SBF2: variants seen among roughly 807,000 people sequenced by gnomAD.
SBF2 encodes the protein SET binding factor 2, also known as myotubularin-related protein 13.
SBF2 carries 112 observed loss-of-function variants against 225.2 expected under a neutral mutation model. The observed-to-expected ratio is 0.50, with a 90% confidence interval of 0.43 to 0.58. The LOEUF (loss-of-function observed/expected upper bound fraction) is 0.58. Ranked by LOEUF, SBF2 falls within the 20% of genes least tolerant of loss-of-function variation. The pLI is 0.00. For missense variants in SBF2, 1,996 were observed against 2,206.2 expected, an observed-to-expected ratio of 0.90 and a Z score of 1.91; for synonymous variants, 763 against 773.3, an observed-to-expected ratio of 0.99 and a Z score of 0.22.
chr11:10,235,123 T>C (rs1249022448), intron 1 of SBF2, among the ~76,000 whole-genome samples: 1 of 152,260 alleles, frequency 6.6e-6, no homozygotes, highest in Non-Finnish European at 1.5e-5. Context: ...ATCAAGTTCA[T>C]AGCTCATTGC....
At chr11:10,053,335 A>C (rs968245610) in intron 2 of SBF2, among the ~76,000 whole-genome samples, 2 of 152,180 alleles carry the variant, frequency 1.3e-5, no homozygotes, top group African/African-American at 4.8e-5. Context: ...GCACAAGTTG[A>C]GCACAAAAAT....
At chr11:9,843,704 A>G (rs1856333585) in intron 24 of SBF2, 1 of 150,858 alleles carries the variant, frequency 6.6e-6, no homozygotes, top group Non-Finnish European at 1.5e-5. Flanking sequence ...GTAAACCTGA[A>G]GGTTATGAAA....
chr11:9,852,629 T>G (rs756717561), intron 21 of SBF2, 47 bp downstream of exon 21: 1 of 1,408,708 alleles, frequency 7.1e-7, no homozygotes, highest in Admixed American at 1.7e-5. Flanking sequence ...TATTGTTTGT[T>G]TTTAAGAAGA....
intron 1 of SBF2, among the ~76,000 whole-genome samples, chr11:10,194,560 G>A (rs1162085039): frequency 6.6e-6 from 1 of 152,104 alleles, no homozygotes; most frequent in Non-Finnish European, 1.5e-5. Context: ...GTCTAGGCTG[G>A]AGTGCAGTTG....
intron 38 of SBF2, among the ~76,000 whole-genome samples, chr11:9,782,542 T>C (rs926729868): frequency 4.6e-5 from 7 of 152,248 alleles, no homozygotes; most frequent in Admixed American, 3.3e-4. Flanking sequence ...AATTTGGCAA[T>C]ATCAACTAAA....
At chr11:9,983,292 C>T (rs970165785) in intron 13 of SBF2, among the ~76,000 whole-genome samples, 3 of 152,100 alleles carry the variant, frequency 2.0e-5, no homozygotes, top group Admixed American at 6.5e-5. Context: ...CTGGGTGAGG[C>T]CTGTGACTGC....
chr11:9,993,655 C>G (rs548864559), intron 10 of SBF2, among the ~76,000 whole-genome samples: 41 of 152,284 alleles, frequency 2.7e-4, no homozygotes, highest in African/African-American at 9.6e-4. Context: ...ATAATCTAGG[C>G]TCTGATTTTC....
chr11:9,872,271 G>A (rs1175709451), intron 17 of SBF2, among the ~76,000 whole-genome samples: 2 of 152,120 alleles, frequency 1.3e-5, no homozygotes, highest in African/African-American at 4.8e-5. Context: ...TGAAAGATGA[G>A]AACACATGGA....
chr11:9,805,512 C>A (rs1174613903), intron 32 of SBF2, among the ~76,000 whole-genome samples: 1 of 152,104 alleles, frequency 6.6e-6, no homozygotes, highest in African/African-American at 2.4e-5. Flanking sequence ...AAATGTGGAG[C>A]CACTGAAGGT....
intron 1 of SBF2, among the ~76,000 whole-genome samples, chr11:10,197,428 G>A (rs1957418031): frequency 1.3e-5 from 2 of 152,224 alleles, no homozygotes. Context: ...GTGTGCAACA[G>A]CGTTACGCCT....
chr11:9,980,189 C>T (rs1214301865), intron 13 of SBF2, among the ~76,000 whole-genome samples: 2 of 151,016 alleles, frequency 1.3e-5, no homozygotes, highest in African/African-American at 4.9e-5. Context: ...CCATGTTGGC[C>T]AAGCTGGTCT....
intron 13 of SBF2, among the ~76,000 whole-genome samples, chr11:9,974,989 GAAAA>G (rs1327838236): frequency 1.5e-5 from 1 of 68,358 alleles, no homozygotes; most frequent in Non-Finnish European, 3.0e-5. Context: ...AAAAAAAAAA[GAAAA>G]AAAGAAACCA....
intron 1 of SBF2, among the ~76,000 whole-genome samples, chr11:10,202,940 G>A (rs1957620306): frequency 6.6e-6 from 1 of 151,972 alleles, no homozygotes; most frequent in Admixed American, 6.6e-5. Flanking sequence ...TCAGGCAATA[G>A]AGGACAGTGA....
At chr11:10,146,125 T>C (rs995457988) in intron 2 of SBF2, among the ~76,000 whole-genome samples, 2 of 152,164 alleles carry the variant, frequency 1.3e-5, no homozygotes, top group Non-Finnish European at 2.9e-5. Flanking sequence ...GAAGTATCAA[T>C]ATTGTTAAAA....
At chr11:10,046,609 T>C (rs2134695190) in intron 2 of SBF2, among the ~76,000 whole-genome samples, 1 of 151,718 alleles carries the variant, frequency 6.6e-6, no homozygotes, top group African/African-American at 2.4e-5. Context: ...AGAGGGAAAC[T>C]TCCTCAACTT....
chr11:9,998,441 T>C, intron 8 of SBF2, 62 bp from the exon 9 acceptor site: 2 of 928,062 alleles, frequency 2.2e-6, no homozygotes, highest in Non-Finnish European at 3.5e-6. Flanking sequence ...AAGCAAATTA[T>C]TTTTCCCTTG....
chr11:9,831,936 C>G (rs1036955739), intron 27 of SBF2, among the ~76,000 whole-genome samples: 2 of 152,174 alleles, frequency 1.3e-5, no homozygotes, highest in African/African-American at 2.4e-5. Flanking sequence ...TGTGAATACT[C>G]TGGTTTGCTG....
At chr11:10,021,989 TG>T (rs1948876395) in intron 6 of SBF2, among the ~76,000 whole-genome samples, 1 of 152,208 alleles carries the variant, frequency 6.6e-6, no homozygotes, top group African/African-American at 2.4e-5. Flanking sequence ...CAAAAGATAA[TG>T]AAGCTGAAAA....
intron 2 of SBF2, among the ~76,000 whole-genome samples, chr11:10,181,376 T>A (rs1318674550): frequency 1.3e-5 from 2 of 152,076 alleles, no homozygotes; most frequent in Non-Finnish European, 2.9e-5. Flanking sequence ...AAATATAACT[T>A]ACCTAAAACT....
Sources: gnomAD v4.1 joint callset for allele counts (sites outside exome capture counted in the v4.1 genomes callset) on GRCh38, gnomAD v4.1.1 for gene constraint, MANE v1.5 for transcripts, NCBI Gene and HGNC (gene_info 2026-07-23, HGNC 2026-07-21) for gene names.